The following ZMAT5 variants were observed in gnomAD, a reference collection of about 807,000 sequenced individuals.
ZMAT5 encodes zinc finger matrin-type 5, also known as zinc finger matrin-type protein 5.
ZMAT5 carries 23 observed loss-of-function variants against 28.0 expected under a neutral mutation model. The observed-to-expected ratio is 0.82, with a 90% confidence interval of 0.59 to 1.16. The LOEUF (loss-of-function observed/expected upper bound fraction) is 1.16, where lower values mean the gene tolerates loss of function less well. ZMAT5 is among the 50% of genes most tolerant of loss of function. The pLI is 0.00. For missense variants in ZMAT5, 173 were observed against 212.7 expected (o/e 0.81, Z 1.16); for synonymous variants, 76 against 84.1 (o/e 0.90, Z 0.52).
intron 1 of ZMAT5, among the ~76,000 whole-genome samples, chr22:29,762,639 C>T (rs2147239879): frequency 6.6e-6 from 1 of 152,344 alleles, no homozygotes; most frequent in South Asian, 2.1e-4. Context: ...ATGGGACCGT[C>T]TAGTTGCAGG....
chr22:29,740,506 G>A, intron 4 of ZMAT5, 144 bp downstream of exon 4: 3 of 788,574 alleles, frequency 3.8e-6, no homozygotes, highest in Non-Finnish European at 6.1e-6. Flanking sequence ...CCCAAACCGG[G>A]GGCTCAGGGC....
intron 1 of ZMAT5, among the ~76,000 whole-genome samples, 169 bp downstream of exon 1, chr22:29,766,703 C>T (rs1448487060): frequency 6.6e-6 from 1 of 152,182 alleles, no homozygotes; most frequent in Non-Finnish European, 1.5e-5. Context: ...AGGGTTTAAC[C>T]TCCAGGACAA....
intron 1 of ZMAT5, among the ~76,000 whole-genome samples, chr22:29,760,741 C>T (rs187960772): frequency 6.6e-6 from 1 of 152,264 alleles, no homozygotes; most frequent in African/African-American, 2.4e-5. Flanking sequence ...GCCCCCTGGA[C>T]TCATGTCCCA....
chr22:29,744,141 A>G (rs970269563), intron 2 of ZMAT5, among the ~76,000 whole-genome samples: 3 of 152,312 alleles, frequency 2.0e-5, no homozygotes, highest in Middle Eastern at 3.4e-3. Flanking sequence ...CTGGTGGTAC[A>G]TGAGAATCAC....
intron 1 of ZMAT5, among the ~76,000 whole-genome samples, chr22:29,754,238 C>T (rs541511721): frequency 1.3e-5 from 2 of 152,188 alleles, no homozygotes; most frequent in African/African-American, 2.4e-5. Flanking sequence ...AGAGTGTGAG[C>T]GAGGTCCCGT....
rs111318525 is a variant in ZMAT5, at chr22:29,756,598, T to A, written c.-27-8027A>T. On this transcript the variant is annotated intron_variant, in intron 1 of 5. Coordinates refer to ENST00000344318, the MANE Select transcript of ZMAT5 (RefSeq NM_001003692.2). ...GGGCCAGGATGTAAGAAAGTCCTGA[T>A]TCAGACTCCACAGAGAAATGCGAGT... 1.7e-3 allele frequency among the ~76,000 whole-genome samples: 264 copies of A among 152,254 alleles called. No individual in the cohort carries two copies. In the Middle Eastern group the frequency reaches 0.027, roughly 16 times the overall value.
At chr22:29,742,362 G>A in intron 3 of ZMAT5, 56 bp downstream of exon 3, 7 of 1,572,820 alleles carry the variant, frequency 4.5e-6, no homozygotes, top group Non-Finnish European at 6.1e-6. Flanking sequence ...GTCCAAGTGG[G>A]GCAGGCTGGA....
intron 4 of ZMAT5, 39 bp from the exon 5 acceptor site, chr22:29,738,480 C>T (rs773025632): frequency 6.4e-6 from 10 of 1,569,982 alleles, no homozygotes; most frequent in Admixed American, 3.4e-5. Flanking sequence ...GAGGGGTACA[C>T]TCCTGCCTGC....
chr22:29,749,358 C>T (rs992489976), intron 1 of ZMAT5, among the ~76,000 whole-genome samples: 6 of 152,108 alleles, frequency 3.9e-5, no homozygotes, highest in African/African-American at 1.4e-4. Context: ...CAGGTACGAG[C>T]CACCGCCCCA....
At chr22:29,741,364 C>G (rs2067961365) in intron 3 of ZMAT5, among the ~76,000 whole-genome samples, 1 of 152,210 alleles carries the variant, frequency 6.6e-6, no homozygotes, top group African/African-American at 2.4e-5. Flanking sequence ...AGCCCCTGAT[C>G]TGCAGGCTTG....
intron 1 of ZMAT5, among the ~76,000 whole-genome samples, chr22:29,760,411 G>A (rs1197906193): frequency 6.6e-6 from 1 of 151,534 alleles, no homozygotes; most frequent in East Asian, 1.9e-4. Flanking sequence ...CAGCGTGGTG[G>A]TGCACACCTG....
intron 1 of ZMAT5, among the ~76,000 whole-genome samples, chr22:29,759,800 C>A (rs2068138493): frequency 6.6e-6 from 1 of 151,732 alleles, no homozygotes; most frequent in Non-Finnish European, 1.5e-5. Flanking sequence ...GGCATGGTGG[C>A]TCATGTCTGT....
intron 1 of ZMAT5, among the ~76,000 whole-genome samples, chr22:29,760,009 T>C (rs575914985): frequency 6.6e-6 from 1 of 152,240 alleles, no homozygotes; most frequent in Admixed American, 6.5e-5. Context: ...GAGACCACCC[T>C]GGGCAACATG....
In ZMAT5 at chr22:29,731,157, C is replaced by G; in HGVS notation, c.*68G>C. On this transcript the variant is annotated 3_prime_UTR_variant, in exon 6 of 6. Coordinates refer to ENST00000344318, the MANE Select transcript of ZMAT5 (RefSeq NM_001003692.2). Reference sequence around the variant, plus strand: ...AGCCTCCATGGGGCGTAGCAGGAACCGGGCTTGGCTTCCTATTGTGACTGA... The same window carrying G: ...AGCCTCCATGGGGCGTAGCAGGAACGGGGCTTGGCTTCCTATTGTGACTGA... 1 of 1,428,606 alleles carries G rather than the reference C, an allele frequency of 7.0e-7. No homozygotes were observed. Among genetic ancestry groups the G allele is most frequent in the Non-Finnish European group, 9.1e-7 (1 of 1,093,338 alleles). The allele number at this position is 1,428,606 out of a possible 1,614,324, so 88.5% of individuals were successfully genotyped here.
intron 5 of ZMAT5, among the ~76,000 whole-genome samples, chr22:29,732,766 CA>C (rs1237661731): frequency 7.1e-6 from 1 of 140,906 alleles, no homozygotes; most frequent in East Asian, 2.1e-4. Context: ...AAAAAAAGTA[CA>C]CATGCACATC....
intron 1 of ZMAT5, among the ~76,000 whole-genome samples, chr22:29,755,333 G>GAA: frequency 2.3e-5 from 1 of 43,682 alleles, no homozygotes; most frequent in South Asian, 9.2e-4. Context: ...AAAGGAGAGA[G>GAA]AGAGAGAGGG....
At chr22:29,752,858 C>T (rs772333729) in intron 1 of ZMAT5, among the ~76,000 whole-genome samples, 8 of 152,228 alleles carry the variant, frequency 5.3e-5, no homozygotes, top group African/African-American at 1.2e-4. Flanking sequence ...TGCTTTCTAT[C>T]TACCTGTCAC....
At chr22:29,748,203 C>T in intron 2 of ZMAT5, 1 of 640,120 alleles carries the variant, frequency 1.6e-6, no homozygotes, top group Non-Finnish European at 2.7e-6. Flanking sequence ...CTTCTAGGGC[C>T]TTCCTCCTGT....
intron 2 of ZMAT5, 51 bp downstream of exon 2, chr22:29,748,367 A>G: frequency 6.2e-7 from 1 of 1,613,258 alleles, no homozygotes; most frequent in South Asian, 1.1e-5. Context: ...ATGATAAGAA[A>G]GATCAGAGAG....
Sources: gnomAD v4.1 joint callset for allele counts (sites outside exome capture counted in the v4.1 genomes callset) on GRCh38, gnomAD v4.1.1 for gene constraint, MANE v1.5 for transcripts, NCBI Gene and HGNC (gene_info 2026-07-23, HGNC 2026-07-21) for gene names.